PRH1: variants seen among roughly 807,000 people sequenced by gnomAD.
The protein encoded by PRH1 is salivary acidic proline-rich phosphoprotein 1/2.
PRH1 carries 7 observed loss-of-function variants against 7.9 expected under a neutral mutation model. The observed-to-expected ratio is 0.89, with a 90% CI of 0.50 to 1.67. The LOEUF (loss-of-function observed/expected upper bound fraction) is 1.67, where lower values mean the gene tolerates loss of function less well. Among genes scored for constraint, PRH1 ranks in the 40% most tolerant of loss-of-function variants. The pLI, the probability that PRH1 is intolerant of heterozygous loss-of-function variation, is 0.00. For synonymous variants in PRH1, 45 were observed against 80.8 expected, an observed-to-expected ratio of 0.56 and a Z score of 2.38; for missense variants, 109 against 223.6, an observed-to-expected ratio of 0.49 and a Z score of 3.27.
chr12:10,915,296 A>C (rs1473698482), intron 2 of PRH1, among the ~76,000 whole-genome samples: 1 of 152,250 alleles, frequency 6.6e-6, no homozygotes, highest in African/African-American at 2.4e-5. Context: ...ATCAAGGCAG[A>C]GTGATTAAAT....
At chr12:11,167,992 C>G (rs1462311070) in intron 1 of PRH1, among the ~76,000 whole-genome samples, 1 of 151,742 alleles carries the variant, frequency 6.6e-6, no homozygotes, top group Non-Finnish European at 1.5e-5. Flanking sequence ...CCTATGAAAT[C>G]TGGCCTTGTA....
intron 1 of PRH1, among the ~76,000 whole-genome samples, chr12:10,995,588 G>A (rs1410988488): frequency 4.6e-5 from 7 of 151,998 alleles, no homozygotes; most frequent in Non-Finnish European, 2.9e-5. Flanking sequence ...TTTCATAGAT[G>A]CCATAGTTTC....
Position 11,016,993 on chromosome 12 carries a change from A to G in PRH1, c.-126+30027T>C, listed in dbSNP as rs114406052. On this transcript the variant is annotated intron_variant, in intron 1 of 3. Coordinates refer to the PRH1 transcript ENST00000539853. ...CTTAACCTATCTGGCCTCTACCAAA[A>G]CCAGATACACTATAAAATGAATGCA... Among the ~76,000 whole-genome samples the G allele has an allele frequency of 7.9e-4, 121 of 152,328 alleles. 1 individual carries two copies. The highest frequency in any genetic ancestry group is 2.3e-3 in the African/African-American group (94 of 41,570).
At chr12:10,990,871 A>G (rs893921870) in intron 1 of PRH1, among the ~76,000 whole-genome samples, 1 of 152,188 alleles carries the variant, frequency 6.6e-6, no homozygotes, top group Admixed American at 6.5e-5. Context: ...AAGAGAGAAA[A>G]TGTTAACTCC....
In PRH1 at chr12:11,103,489, C is replaced by G. The variant is rs867149863; in HGVS notation, n.124-56301G>C. Among the ~76,000 whole-genome samples the G allele has an allele frequency of 6.2e-5, 9 of 144,908 alleles. No individual in the cohort carries two copies. In the South Asian group the frequency reaches 1.9e-3, roughly 31 times the overall value. On this transcript the variant is annotated intron_variant and non_coding_transcript_variant, in intron 1 of 4. Transcript: ENST00000541977. ...TCACTCATAGGTGGGAACTGAACAA[C>G]GAGAACACTTGGATACAGGGTGGGG...
At chr12:10,919,265 CA>C (rs1350513388) in intron 2 of PRH1, among the ~76,000 whole-genome samples, 5 of 151,952 alleles carry the variant, frequency 3.3e-5, no homozygotes, top group Non-Finnish European at 5.9e-5. Context: ...TATTTGTAAA[CA>C]AAAAAAGATA....
chr12:11,094,085 T>C (rs147548888), intron 1 of PRH1, among the ~76,000 whole-genome samples: 2,784 of 112,402 alleles, frequency 0.025, 787 homozygotes, highest in South Asian at 0.037. Flanking sequence ...AGGCAGATTA[T>C]GAGGTCAAGA....
In PRH1 at chr12:11,092,751, C is replaced by CTATACTTCTA. The variant is rs1456563950; in HGVS notation, n.124-45564_124-45563insTAGAAGTATA. 4.3e-5 allele frequency among the ~76,000 whole-genome samples: 5 copies of CTATACTTCTA among 115,810 alleles called. 1 individual carries two copies. The highest frequency in any genetic ancestry group is 1.7e-4 in the Admixed American group (2 of 11,546). The allele number at this position is 115,810 out of a possible 152,430, so 76.0% of individuals were successfully genotyped here. ...AAGATTCAGGAAGTATAGCTGGCTT[C>CTATACTTCTA]ATCTCTCAATCTAATAAAACTGGGT... On this transcript the variant is annotated intron_variant and non_coding_transcript_variant, in intron 1 of 4. Transcript: ENST00000541977.
chr12:11,128,731 C>T (rs1346496497), intron 1 of PRH1, among the ~76,000 whole-genome samples: 1 of 151,984 alleles, frequency 6.6e-6, no homozygotes, highest in African/African-American at 2.4e-5. Flanking sequence ...AGAGACAGAG[C>T]GAGACTCCGT....
intron 2 of PRH1, chr12:10,931,177 C>T (rs977024027): frequency 1.2e-5 from 19 of 1,557,862 alleles, no homozygotes; most frequent in Middle Eastern, 2.3e-4. Flanking sequence ...TTAATATTTC[C>T]GTGTCCTGGA....
intron 1 of PRH1, among the ~76,000 whole-genome samples, chr12:11,098,496 G>A (rs1310034638): frequency 3.3e-5 from 5 of 152,118 alleles, no homozygotes; most frequent in Admixed American, 2.6e-4. Flanking sequence ...AAATAAGAAC[G>A]TACTCTCTTT....
chr12:11,062,169 A>G lies in PRH1; in HGVS notation n.124-14981T>C, dbSNP rs564334464. 147 of 1,612,844 alleles carry G rather than the reference A, an allele frequency of 9.1e-5. No individual in the cohort carries two copies. In the African/African-American group the frequency reaches 1.7e-3, roughly 18 times the overall value. On this transcript the variant is annotated intron_variant and non_coding_transcript_variant, in intron 1 of 4. Transcript: ENST00000541977. ...GAGCAGTGAGAATTTGGTCAGCAAA[A>G]GAGATCTTTTGTCTCTTGAACCACT...
At chr12:11,015,494 G>A (rs1295942750) in intron 1 of PRH1, among the ~76,000 whole-genome samples, 1 of 152,056 alleles carries the variant, frequency 6.6e-6, no homozygotes, top group Admixed American at 6.6e-5. Flanking sequence ...TTCTTCTGAG[G>A]AGGTTAGACT....
At chr12:11,134,947 C>T (rs113445508) in intron 1 of PRH1, among the ~76,000 whole-genome samples, 4 of 151,998 alleles carry the variant, frequency 2.6e-5, no homozygotes, top group African/African-American at 4.8e-5. Context: ...ATGAATGGAA[C>T]GAATTATTTT....
intron 1 of PRH1, among the ~76,000 whole-genome samples, chr12:11,060,816 G>C (rs983194559): frequency 6.6e-6 from 1 of 152,208 alleles, no homozygotes; most frequent in African/African-American, 2.4e-5. Context: ...CATAAAATAG[G>C]AATTCATAAT....
intron 2 of PRH1, chr12:10,894,825 C>T (rs1341315959): frequency 6.6e-6 from 1 of 152,084 alleles, no homozygotes; most frequent in Non-Finnish European, 1.5e-5. Context: ...CAATAATGCT[C>T]AATATATCAT....
intron 2 of PRH1, among the ~76,000 whole-genome samples, chr12:10,967,165 T>C (rs1485332414): frequency 2.0e-5 from 3 of 150,538 alleles, no homozygotes; most frequent in African/African-American, 7.3e-5. Context: ...AAGATCTGGG[T>C]ACTTCAGGTA....
intron 2 of PRH1, among the ~76,000 whole-genome samples, chr12:10,910,853 T>C (rs1293292206): frequency 2.0e-5 from 3 of 152,192 alleles, no homozygotes; most frequent in African/African-American, 4.8e-5. Flanking sequence ...TTATGAATGT[T>C]TGTATTTTAT....
At chr12:11,131,764 G>A (rs1946350288) in intron 1 of PRH1, among the ~76,000 whole-genome samples, 1 of 152,194 alleles carries the variant, frequency 6.6e-6, no homozygotes, top group Non-Finnish European at 1.5e-5. Flanking sequence ...GAAGGATTCT[G>A]CTTGGATAAG....
Sources: allele counts gnomAD v4.1 joint callset (sites outside exome capture counted in the v4.1 genomes callset), GRCh38; gene constraint gnomAD v4.1.1; transcripts MANE v1.5; gene names NCBI Gene and HGNC (gene_info 2026-07-23, HGNC 2026-07-21).